The following RYR3 variants were observed in gnomAD, a reference collection of about 807,000 sequenced individuals.
RYR3 encodes ryanodine receptor 3.
In RYR3, 207 loss-of-function variants were observed where a neutral mutation model predicts 584.3. The observed-to-expected ratio is 0.35, with a 90% CI of 0.32 to 0.40. The LOEUF (loss-of-function observed/expected upper bound fraction) is 0.40. RYR3 is among the 10% of genes least tolerant of loss of function. RYR3 has a pLI of 1.00. For synonymous variants in RYR3, 2,416 were observed against 2,248.5 expected, an observed-to-expected ratio of 1.07 and a Z score of -2.11; for missense variants, 5,616 against 6,089.2, an observed-to-expected ratio of 0.92 and a Z score of 2.59.
intron 2 of RYR3, among the ~76,000 whole-genome samples, chr15:33,501,977 T>C (rs1467281260): frequency 1.3e-5 from 2 of 152,194 alleles, no homozygotes; most frequent in African/African-American, 2.4e-5. Context: ...TAAAAAAGGA[T>C]TGGGCAAATT....
chr15:33,663,290 C>T (rs1353459786), intron 35 of RYR3, among the ~76,000 whole-genome samples: 1 of 152,228 alleles, frequency 6.6e-6, no homozygotes, highest in Non-Finnish European at 1.5e-5. Context: ...TTTTTCTACT[C>T]AGCTTCCTGG....
At chr15:33,805,836 G>A (rs1444798546) in intron 69 of RYR3, among the ~76,000 whole-genome samples, 2 of 151,868 alleles carry the variant, frequency 1.3e-5, no homozygotes, top group African/African-American at 2.4e-5. Flanking sequence ...ACAGGCATGT[G>A]TGCATACTCT....
intron 1 of RYR3, among the ~76,000 whole-genome samples, chr15:33,430,693 C>A (rs11855396): frequency 0.054 from 8,147 of 152,222 alleles, 684 homozygotes; most frequent in African/African-American, 0.18. Flanking sequence ...CTATAAGGAA[C>A]AAAACATTCT....
chr15:33,313,044 C>T (rs1361954660), intron 1 of RYR3, among the ~76,000 whole-genome samples: 1 of 152,210 alleles, frequency 6.6e-6, no homozygotes, highest in Non-Finnish European at 1.5e-5. Context: ...CAGAGAACTG[C>T]ATACCGGTTA....
At chr15:33,591,959 C>T (rs2059151103) in intron 16 of RYR3, among the ~76,000 whole-genome samples, 2 of 152,236 alleles carry the variant, frequency 1.3e-5, no homozygotes, top group South Asian at 4.1e-4. Context: ...ACAGTGTTTC[C>T]GTAGGTATTT....
rs150465412 is a variant in RYR3, at chr15:33,503,876, C to G, written c.279+138C>G. The stretch of plus-strand genomic sequence containing the variant: ...TCATATGGAGATAGTAAATCTTTCT[C>G]CCTGAGTTGAGTTGGTGTTATTCAG... On this transcript the variant is annotated intron_variant, in intron 3 of 103. Coordinates refer to ENST00000634891, the MANE Select transcript of RYR3 (RefSeq NM_001036.6). 5.1e-5 allele frequency: 32 copies of G among 626,696 alleles called. No homozygotes were observed. The Admixed American group carries it at 8.5e-4, about 17-fold the overall frequency. 38.8% of individuals were successfully genotyped at this position (626,696 alleles called of 1,614,324 possible). A position where few individuals can be genotyped will look rare whatever the true frequency, so the allele number is the denominator to read the frequency against.
intron 1 of RYR3, among the ~76,000 whole-genome samples, chr15:33,366,197 G>A (rs987002240): frequency 6.6e-6 from 1 of 152,100 alleles, no homozygotes; most frequent in African/African-American, 2.4e-5. Context: ...TGGCAAATGT[G>A]TTTTATGAAT....
intron 12 of RYR3, among the ~76,000 whole-genome samples, chr15:33,571,597 G>C (rs2058030355): frequency 6.6e-6 from 1 of 152,012 alleles, no homozygotes; most frequent in Non-Finnish European, 1.5e-5. Context: ...CTACTTCATA[G>C]AGCCATTCCA....
rs1476433934 is a variant in RYR3 at position 33,634,567 on chromosome 15, T to C, written c.3028-19T>C. 1.2e-6 allele frequency: 2 copies of C among 1,613,470 alleles called. No individual in the cohort carries two copies. Among genetic ancestry groups the C allele is most frequent in the African/African-American group, 2.7e-5 (2 of 74,898 alleles). On this transcript the variant is annotated intron_variant, in intron 24 of 103. Coordinates refer to ENST00000634891, the MANE Select transcript of RYR3 (RefSeq NM_001036.6). The stretch of plus-strand genomic sequence containing the variant: ...GGTGAAATGTTTTCTTGGCACCTTT[T>C]TTCTCTGGCGTCACATAGGATTTGA...
At chr15:33,425,637 A>ATTTTTTTTT (rs68182512) in intron 1 of RYR3, among the ~76,000 whole-genome samples, 12 of 121,804 alleles carry the variant, frequency 9.9e-5, no homozygotes, top group East Asian at 6.1e-4. Flanking sequence ...GAGACTCACA[A>ATTTTTTTTT]TTTTTTTTTT....
At chr15:33,768,964 T>C in intron 61 of RYR3, 148 bp from the exon 62 acceptor site, 1 of 705,168 alleles carries the variant, frequency 1.4e-6, no homozygotes, top group Non-Finnish European at 2.5e-6. Flanking sequence ...GGCTAGAAAT[T>C]AATGCATTGT....
intron 10 of RYR3, among the ~76,000 whole-genome samples, chr15:33,551,599 A>G (rs2056677946): frequency 6.6e-6 from 1 of 151,964 alleles, no homozygotes; most frequent in South Asian, 2.1e-4. Flanking sequence ...CTTTTTTCAT[A>G]TCTTTATTTC....
intron 38 of RYR3, among the ~76,000 whole-genome samples, chr15:33,692,047 G>A (rs2065472808): frequency 6.6e-6 from 1 of 152,234 alleles, no homozygotes; most frequent in Non-Finnish European, 1.5e-5. Context: ...TCTTGGTAGA[G>A]ATGTCAGTAA....
At chr15:33,649,284 C>T (rs1419599033) in intron 31 of RYR3, 49 bp downstream of exon 31, 1 of 1,555,402 alleles carries the variant, frequency 6.4e-7, no homozygotes, top group South Asian at 1.1e-5. Context: ...TTCTCAGTCC[C>T]TCCCCCCAGT....
intron 100 of RYR3, 150 bp downstream of exon 100, chr15:33,859,881 G>C: frequency 1.1e-6 from 1 of 888,144 alleles, no homozygotes. Context: ...TACTATACCT[G>C]AGGCTTTGGC....
rs781446892 is a variant in RYR3, at chr15:33,562,959, C to G, written c.1095C>G (p.Thr365=). ...VQHIASGLWV[T]YKAQDAKTSR... ...ATATAGCCAGTGGTCTGTGGGTGAC[C>G]TACAAAGCACAAGACGCCAAAACTT... The change falls in exon 11 of 104, where the codon ACC becomes ACG. Residue 365 remains threonine, a synonymous_variant. Transcript: ENST00000634891. 12 of 1,613,064 alleles carry G rather than the reference C, an allele frequency of 7.4e-6. No homozygotes were observed. Among genetic ancestry groups the G allele is most frequent in the Non-Finnish European group, 1.0e-5 (12 of 1,179,482 alleles).
chr15:33,667,927 G>A (rs1027502017), intron 36 of RYR3, among the ~76,000 whole-genome samples: 1 of 152,010 alleles, frequency 6.6e-6, no homozygotes, highest in Non-Finnish European at 1.5e-5. Flanking sequence ...GCTGAGTGCG[G>A]TGGTGCGCAC....
intron 16 of RYR3, among the ~76,000 whole-genome samples, 172 bp from the exon 17 acceptor site, chr15:33,601,247 G>A (rs925072202): frequency 2.0e-5 from 3 of 152,176 alleles, no homozygotes; most frequent in African/African-American, 7.2e-5. Context: ...AGGCTCTGAG[G>A]CATCACTCGC....
intron 38 of RYR3, among the ~76,000 whole-genome samples, chr15:33,687,850 G>A (rs1361575974): frequency 7.9e-5 from 12 of 152,162 alleles, no homozygotes; most frequent in Admixed American, 7.9e-4. Context: ...TGGGAAAACT[G>A]GCTAGCCATA....
Sources: gnomAD v4.1 joint callset for allele counts (sites outside exome capture counted in the v4.1 genomes callset) on GRCh38, gnomAD v4.1.1 for gene constraint, MANE v1.5 for transcripts, NCBI Gene and HGNC (gene_info 2026-07-23, HGNC 2026-07-21) for gene names.